LARGE1: variants seen among roughly 807,000 people sequenced by gnomAD.
LARGE1 encodes the protein LARGE xylosyl- and glucuronyltransferase 1, also known as xylosyl- and glucuronyltransferase LARGE1.
In LARGE1, 43 loss-of-function variants were observed where a neutral mutation model predicts 87.6. The observed-to-expected ratio is 0.49, with a 90% CI of 0.38 to 0.63. The LOEUF is 0.63. Ranked by LOEUF, LARGE1 falls within the 30% of genes least tolerant of loss-of-function variation. The pLI is 0.00. For missense variants in LARGE1, 802 were observed against 1,000.2 expected (o/e 0.80, Z 2.67); for synonymous variants, 434 against 394.6 (o/e 1.10, Z -1.18).
intron 12 of LARGE1, among the ~76,000 whole-genome samples, chr22:33,291,377 C>G (rs1932520129): frequency 6.6e-6 from 1 of 152,068 alleles, no homozygotes; most frequent in Admixed American, 6.5e-5. Flanking sequence ...GGAAGAACTC[C>G]CTAAATCCTG....
At chr22:33,910,153 T>A (rs995323219) in intron 1 of LARGE1, among the ~76,000 whole-genome samples, 1 of 152,194 alleles carries the variant, frequency 6.6e-6, no homozygotes, top group African/African-American at 2.4e-5. Context: ...GCTTAACTTA[T>A]GACACATTTT....
chr22:33,503,799 AAAAAACAAAAAC>A (rs368626909), intron 6 of LARGE1, among the ~76,000 whole-genome samples: 3 of 151,984 alleles, frequency 2.0e-5, no homozygotes, highest in Non-Finnish European at 2.9e-5. Context: ...ACTCTGTCTC[AAAAAACAAAAAC>A]AAAAACAAAA....
chr22:33,594,665 G>A (rs1455700313), intron 5 of LARGE1, among the ~76,000 whole-genome samples: 2 of 152,170 alleles, frequency 1.3e-5, no homozygotes, highest in African/African-American at 4.8e-5. Context: ...GGAGTGCAAT[G>A]GCGCAATCTC....
intron 5 of LARGE1, among the ~76,000 whole-genome samples, chr22:33,597,389 G>C (rs1181941637): frequency 3.3e-5 from 5 of 151,796 alleles, no homozygotes. Flanking sequence ...CAGTATTCAG[G>C]AAGCATAGCT....
chr22:33,671,540 A>G (rs2081412598), intron 2 of LARGE1, among the ~76,000 whole-genome samples: 1 of 152,212 alleles, frequency 6.6e-6, no homozygotes, highest in Non-Finnish European at 1.5e-5. Context: ...TCCTGGTTCC[A>G]TATTATTACC....
intron 2 of LARGE1, among the ~76,000 whole-genome samples, chr22:33,661,910 T>C (rs951281393): frequency 5.9e-5 from 9 of 152,094 alleles, no homozygotes; most frequent in African/African-American, 1.4e-4. Flanking sequence ...TGGAAGACAG[T>C]TGTTCCATGA....
intron 3 of LARGE1, among the ~76,000 whole-genome samples, chr22:33,640,474 T>G (rs2080394446): frequency 6.6e-6 from 1 of 151,964 alleles, no homozygotes; most frequent in Non-Finnish European, 1.5e-5. Context: ...TGCAAAAGAC[T>G]AGAAAATAAG....
At chr22:33,781,134 C>T (rs536814320) in intron 1 of LARGE1, among the ~76,000 whole-genome samples, 2 of 152,262 alleles carry the variant, frequency 1.3e-5, no homozygotes, top group East Asian at 1.9e-4. Context: ...TTTTCATTTC[C>T]CACGTCACTT....
the LARGE1 span, among the ~76,000 whole-genome samples, chr22:33,089,371 C>CTCCTT: frequency 5.3e-5 from 4 of 76,040 alleles, no homozygotes; most frequent in African/African-American, 2.5e-4. Context: ...TTCTTCTTCT[C>CTCCTT]CTTCTTCTTC....
chr22:33,849,177 T>C (rs1271499594), intron 1 of LARGE1, among the ~76,000 whole-genome samples: 1 of 152,190 alleles, frequency 6.6e-6, no homozygotes, highest in Non-Finnish European at 1.5e-5. Flanking sequence ...TTAATGCTTT[T>C]GCCTCCCGGA....
rs545859655 is a variant in LARGE1 at position 33,392,577 on chromosome 22, T to C, written c.893-8273A>G. On this transcript the variant is annotated intron_variant, in intron 7 of 14. Transcript: ENST00000397394. ...AGGAGGCTGAGGCAGAAGAATTGCT[T>C]GAACCTGGGAGGCGGATGTTGTGGT... is the stretch of plus-strand genomic sequence containing the variant. Among the ~76,000 whole-genome samples the C allele has an allele frequency of 2.4e-4, 37 of 152,250 alleles. No homozygotes were observed. In the South Asian group the frequency reaches 6.2e-3, roughly 26 times the overall value.
rs3072285 is a variant in LARGE1 at position 33,656,058 on chromosome 22, A to AGTGTGTGT, written c.107-5398_107-5391dup. Among the ~76,000 whole-genome samples the AGTGTGTGT allele has an allele frequency of 3.9e-3, 580 of 150,476 alleles. 2 individuals carry two copies. Among genetic ancestry groups the AGTGTGTGT allele is most frequent in the Middle Eastern group, 0.024 (7 of 294 alleles). ...TGAGGGACATGGGAGCATAAGCATG[A>AGTGTGTGT]GTGTGTGTGTGTGTGTGTGTGTGTG... On this transcript the variant is annotated intron_variant, in intron 2 of 14. Coordinates refer to ENST00000397394, the MANE Select transcript of LARGE1 (RefSeq NM_133642.5).
chr22:33,748,118 C>G (rs2084167758), intron 2 of LARGE1, among the ~76,000 whole-genome samples: 1 of 145,234 alleles, frequency 6.9e-6, no homozygotes, highest in Non-Finnish European at 1.5e-5. Flanking sequence ...CAGGGTTCTT[C>G]CTATCAATGC....
intron 2 of LARGE1, among the ~76,000 whole-genome samples, chr22:33,756,887 T>C (rs536148369): frequency 6.6e-6 from 1 of 152,030 alleles, no homozygotes; most frequent in South Asian, 2.1e-4. Context: ...GAGCTTAGAC[T>C]CAACAGGAGG....
intron 13 of LARGE1, among the ~76,000 whole-genome samples, chr22:33,278,931 G>A (rs1419915532): frequency 1.3e-5 from 2 of 152,094 alleles, no homozygotes; most frequent in African/African-American, 2.4e-5. Flanking sequence ...TGTTGGCCAG[G>A]ATGGTCTCCA....
intron 6 of LARGE1, among the ~76,000 whole-genome samples, chr22:33,512,552 C>T (rs1419393399): frequency 6.6e-6 from 1 of 152,234 alleles, no homozygotes; most frequent in Non-Finnish European, 1.5e-5. Context: ...CCTGTAATCC[C>T]AGCACTTTGG....
intron 2 of LARGE1, among the ~76,000 whole-genome samples, chr22:33,690,365 C>T (rs56677938): frequency 0.081 from 12,285 of 152,112 alleles, 624 homozygotes; most frequent in African/African-American, 0.13. Flanking sequence ...CTAAGTATAC[C>T]CATGAAGCAC....
At chr22:33,275,699 A>G (rs1387335254) in intron 14 of LARGE1, among the ~76,000 whole-genome samples, 1 of 152,360 alleles carries the variant, frequency 6.6e-6, no homozygotes. Flanking sequence ...TGTCTGGGAC[A>G]TGCTATTCGC....
intron 3 of LARGE1, among the ~76,000 whole-genome samples, chr22:33,629,634 G>C (rs113863420): frequency 5.3e-5 from 8 of 152,270 alleles, no homozygotes; most frequent in African/African-American, 1.7e-4. Flanking sequence ...GGAATGGGGA[G>C]AGTAGGGAGA....
Sources: allele counts gnomAD v4.1 joint callset (sites outside exome capture counted in the v4.1 genomes callset), GRCh38; gene constraint gnomAD v4.1.1; transcripts MANE v1.5; gene names NCBI Gene and HGNC (gene_info 2026-07-23, HGNC 2026-07-21).